The following PCDHGA5 variants were observed in gnomAD, a reference collection of about 807,000 sequenced individuals.
The protein encoded by PCDHGA5 is protocadherin gamma-A5.
A neutral mutation model predicts 56.7 loss-of-function variants in PCDHGA5; 36 were observed. The ratio of observed to expected loss-of-function variants is 0.64; its 90% CI spans 0.49 to 0.84. PCDHGA5 has a LOEUF of 0.84. Among genes scored for constraint, PCDHGA5 ranks in the 40% least tolerant of loss-of-function variants. PCDHGA5 has a pLI of 0.00. For missense variants in PCDHGA5, 1,305 were observed against 1,201.5 expected (o/e 1.09, Z -1.27); for synonymous variants, 563 against 520.2 (o/e 1.08, Z -1.12).
intron 1 of PCDHGA5, chr5:141,398,715 G>A: frequency 1.2e-6 from 2 of 1,613,850 alleles, no homozygotes; most frequent in Non-Finnish European, 1.7e-6. Flanking sequence ...AACTGGCACT[G>A]GAGAAAACCT....
chr5:141,419,776 C>A (rs965350189), intron 1 of PCDHGA5: 3 of 1,613,908 alleles, frequency 1.9e-6, no homozygotes, highest in African/African-American at 2.7e-5. Flanking sequence ...ACTCGGTCCG[C>A]CAGCGCCTGC....
In PCDHGA5 at chr5:141,489,584, A is replaced by G. The variant is rs775720718; in HGVS notation, c.2422-5223A>G. Reference sequence around the variant, plus strand: ...CAGGTGGTGACTGAACACCCCCTGGAGCTAATCCGTGTAGAGGTAGAGATC... The same window carrying G: ...CAGGTGGTGACTGAACACCCCCTGGGGCTAATCCGTGTAGAGGTAGAGATC... On this transcript the variant is annotated intron_variant, in intron 1 of 3. Coordinates refer to ENST00000518069, the MANE Select transcript of PCDHGA5 (RefSeq NM_018918.3). The surrounding 1 kb of genome is among the most constrained non-coding windows in gnomAD (Gnocchi z 4.5). The G allele has an allele frequency of 6.2e-7, 1 of 1,614,054 alleles. No homozygotes were observed. Among genetic ancestry groups the G allele is most frequent in the South Asian group, 1.1e-5 (1 of 91,078 alleles).
At chr5:141,441,763 G>A in intron 1 of PCDHGA5, 1 of 384,020 alleles carries the variant, frequency 2.6e-6, no homozygotes, top group Non-Finnish European at 5.2e-6. Flanking sequence ...GTGAGCCTGC[G>A]CGTGTTGGTG....
intron 1 of PCDHGA5, among the ~76,000 whole-genome samples, chr5:141,387,032 T>C (rs993852019): frequency 6.6e-6 from 1 of 152,202 alleles, no homozygotes; most frequent in Admixed American, 6.5e-5. Context: ...TTGTATTTCA[T>C]AACCAGTAAA....
intron 1 of PCDHGA5, among the ~76,000 whole-genome samples, chr5:141,438,591 C>CATACAT (rs1228520343): frequency 1.3e-5 from 1 of 75,562 alleles, no homozygotes; most frequent in Non-Finnish European, 2.7e-5. Flanking sequence ...TACATACATA[C>CATACAT]ATATATATAT....
Position 141,477,376 on chromosome 5 carries a change from G to A in PCDHGA5, c.2422-17431G>A. The A allele has an allele frequency of 6.2e-7, 1 of 1,614,146 alleles. No homozygotes were observed. Among genetic ancestry groups the A allele is most frequent in the Non-Finnish European group, 8.5e-7 (1 of 1,180,026 alleles). ...GTGCAGACCTGGATCGGGAGACTGT[G>A]CCAGAATACAACCTCAGCATCACCG... On this transcript the variant is annotated intron_variant, in intron 1 of 3. Transcript: ENST00000518069. This position sits in a 1 kb window ranked among gnomAD's most constrained non-coding sequence, Gnocchi z 4.9.
At chr5:141,400,551 T>G in intron 1 of PCDHGA5, 1 of 1,613,726 alleles carries the variant, frequency 6.2e-7, no homozygotes, top group Non-Finnish European at 8.5e-7. Context: ...TCTATTCTTT[T>G]TCATTACCCA....
In PCDHGA5 at chr5:141,364,601, G is replaced by C; in HGVS notation, c.271G>C (p.Asp91His). Residue 91 changes from aspartate to histidine, a missense_variant, in exon 1 of 4, where the codon GAC (aspartate) becomes CAC (histidine). Asp to His is a moderately conservative substitution (Grantham distance 81, BLOSUM62 -1). Transcript: ENST00000518069. ...SGSLVTAGRI[D>H]REELCAQSPL... is the part of the protein sequence containing the mutation. ...CAGCTTGGTCACCGCGGGCAGGATA[G>C]ACCGGGAGGAGCTCTGCGCTCAGAG... 1 of 1,614,194 alleles carries C rather than the reference G, an allele frequency of 6.2e-7. No individual in the cohort carries two copies. The highest frequency in any genetic ancestry group is 8.5e-7 in the Non-Finnish European group (1 of 1,179,998).
chr5:141,389,204 T>G, intron 1 of PCDHGA5: 6 of 1,613,894 alleles, frequency 3.7e-6, no homozygotes, highest in Non-Finnish European at 5.1e-6. Context: ...CCCTGCACAT[T>G]GGTGATGTAA....
At chr5:141,421,930 G>A (rs780569992) in intron 1 of PCDHGA5, 1 of 1,613,480 alleles carries the variant, frequency 6.2e-7, no homozygotes, top group Non-Finnish European at 8.5e-7. Flanking sequence ...GGTGGTCCTC[G>A]ATGTAAATGA....
At chr5:141,388,952 G>GGAC in intron 1 of PCDHGA5, 1 of 1,614,022 alleles carries the variant, frequency 6.2e-7, no homozygotes, top group Non-Finnish European at 8.5e-7. Flanking sequence ...TAATTATGGA[G>GGAC]GACGCCGAGC....
intron 1 of PCDHGA5, among the ~76,000 whole-genome samples, chr5:141,434,259 G>A (rs1452016594): frequency 6.6e-6 from 1 of 152,230 alleles, no homozygotes; most frequent in Non-Finnish European, 1.5e-5. Flanking sequence ...CATTGTGGGG[G>A]AGGTGGAAAT....
At chr5:141,484,866 C>T in intron 1 of PCDHGA5, 1 of 275,618 alleles carries the variant, frequency 3.6e-6, no homozygotes, top group Non-Finnish European at 6.8e-6. Flanking sequence ...GGTGGGGGAG[C>T]GTGGAGGATA....
intron 1 of PCDHGA5, chr5:141,433,354 T>C: frequency 1.7e-6 from 1 of 602,322 alleles, no homozygotes; most frequent in Non-Finnish European, 2.9e-6. Flanking sequence ...CCACCTACTG[T>C]CTGCCTATCT....
chr5:141,421,288 C>T, intron 1 of PCDHGA5: 1 of 1,613,312 alleles, frequency 6.2e-7, no homozygotes, highest in Non-Finnish European at 8.5e-7. Context: ...GTGCATTTTC[C>T]TGGGGACGCT....
intron 1 of PCDHGA5, among the ~76,000 whole-genome samples, chr5:141,381,798 CTCTTTCTT>C (rs372235829): frequency 6.9e-5 from 10 of 144,174 alleles, no homozygotes; most frequent in South Asian, 6.6e-4. Flanking sequence ...AGGCAATTCC[CTCTTTCTT>C]TCTTTCTTTC....
chr5:141,407,808 C>A (rs1182707356), intron 1 of PCDHGA5, among the ~76,000 whole-genome samples: 1 of 152,136 alleles, frequency 6.6e-6, no homozygotes, highest in Non-Finnish European at 1.5e-5. Flanking sequence ...ATAGAAATAT[C>A]TACTATAATA....
At chr5:141,468,924 C>G (rs1434433938) in intron 1 of PCDHGA5, among the ~76,000 whole-genome samples, 1 of 150,520 alleles carries the variant, frequency 6.6e-6, no homozygotes, top group Non-Finnish European at 1.5e-5. Context: ...GAGAATAGCA[C>G]TAAAATGGGA....
chr5:141,390,539 A>T (rs774441899), intron 1 of PCDHGA5: 22 of 514,666 alleles, frequency 4.3e-5, no homozygotes, highest in Non-Finnish European at 6.5e-5. Flanking sequence ...TTTTAACCAC[A>T]AAGTGAAAGT....
Sources: allele counts gnomAD v4.1 joint callset (sites outside exome capture counted in the v4.1 genomes callset), GRCh38; gene constraint gnomAD v4.1.1; non-coding constraint Gnocchi (gnomAD v3.1); transcripts MANE v1.5; gene names NCBI Gene and HGNC (gene_info 2026-07-23, HGNC 2026-07-21).